Variants in KCNQ1 observed in about 807,000 individuals in gnomAD.
KCNQ1 encodes potassium voltage-gated channel subfamily Q member 1.
In KCNQ1, 49 loss-of-function variants were observed where a neutral mutation model predicts 72.4. The observed-to-expected ratio is 0.68, with a 90% confidence interval of 0.54 to 0.86. KCNQ1 has a LOEUF of 0.86. KCNQ1 is among the 40% of genes least tolerant of loss of function. KCNQ1 has a pLI of 0.00. For synonymous variants in KCNQ1, 450 were observed against 412.6 expected, an observed-to-expected ratio of 1.09 and a Z score of -1.10; for missense variants, 790 against 945.1, an observed-to-expected ratio of 0.84 and a Z score of 2.15.
At chr11:2,545,520 T>G (rs1233846828) in intron 2 of KCNQ1, among the ~76,000 whole-genome samples, 2 of 152,214 alleles carry the variant, frequency 1.3e-5, no homozygotes, top group Non-Finnish European at 2.9e-5. Flanking sequence ...TTCAGGTAAT[T>G]GATAATAGTT....
At position 2,695,698 on chromosome 11, in the gene KCNQ1, G is replaced by A; in HGVS notation, c.1514+33617G>A. ...TGTTGGCCAGCTCTTCAGAACGTCT[G>A]TGCCTGTCTCCGTCCCCACCTGCAG... On this transcript the variant is annotated intron_variant, in intron 11 of 15. Transcript: ENST00000155840. This position sits in a 1 kb window ranked among gnomAD's most constrained non-coding sequence, Gnocchi z 5.2. The A allele has an allele frequency of 2.5e-6, 1 of 398,656 alleles. No homozygotes were observed. Among genetic ancestry groups the A allele is most frequent in the Non-Finnish European group, 4.4e-6 (1 of 226,090 alleles). 24.7% of individuals were successfully genotyped at this position (398,656 alleles called of 1,614,324 possible).
intron 11 of KCNQ1, chr11:2,681,625 C>T (rs569602022): frequency 2.1e-5 from 8 of 384,768 alleles, no homozygotes; most frequent in Non-Finnish European, 3.2e-5. Flanking sequence ...CCCCACCCAA[C>T]CTCCCCCAAC....
chr11:2,742,049 A>G (rs776450228), intron 11 of KCNQ1, among the ~76,000 whole-genome samples: 1 of 152,318 alleles, frequency 6.6e-6, no homozygotes, highest in South Asian at 2.1e-4. Flanking sequence ...GTTGCAAGAC[A>G]CTCTGCTGGG....
At chr11:2,732,443 C>T (rs1371355814) in intron 11 of KCNQ1, among the ~76,000 whole-genome samples, 1 of 152,208 alleles carries the variant, frequency 6.6e-6, no homozygotes, top group Non-Finnish European at 1.5e-5. Flanking sequence ...CTCCTGGCTT[C>T]GTTTCTTCCC....
At chr11:2,753,609 A>G (rs151291) in intron 11 of KCNQ1, among the ~76,000 whole-genome samples, 39,262 of 152,124 alleles carry the variant, frequency 0.26, 5,662 homozygotes, top group Middle Eastern at 0.41. Context: ...CTTTTGGTAT[A>G]TTCAGAGTCA....
Position 2,617,780 on chromosome 11 carries a change from A to C in KCNQ1, c.1393+28926A>C, listed in dbSNP as rs1849092351. ...AATTTTGATTTGCATTTCCCTGACG[A>C]TTAGTGATGTTAAATGTCTTTTCAT... is the stretch of plus-strand genomic sequence containing the variant. On this transcript the variant is annotated intron_variant, in intron 10 of 15. Transcript: ENST00000155840. The surrounding 1 kb of genome is among the most constrained non-coding windows in gnomAD (Gnocchi z 4.6). 1 of 398,516 alleles carries C rather than the reference A, an allele frequency of 2.5e-6. No individual in the cohort carries two copies. The highest frequency in any genetic ancestry group is 4.4e-6 in the Non-Finnish European group (1 of 226,008). 24.7% of individuals were successfully genotyped at this position (398,516 alleles called of 1,614,324 possible).
rs757528730 is a variant in KCNQ1, at chr11:2,520,939, C to G, written c.387-6989C>G. Among the ~76,000 whole-genome samples, 4 of 152,250 alleles carry G rather than the reference C, an allele frequency of 2.6e-5. No individual in the cohort carries two copies. In the South Asian group the frequency reaches 8.3e-4, roughly 32 times the overall value. ...TCTGCTTATCAGCCTGGCGAGGTCC[C>G]GTCCCCAGTAGGGGTCTTTGAACAT... On this transcript the variant is annotated intron_variant, in intron 1 of 15. Transcript: ENST00000155840.
intron 11 of KCNQ1, among the ~76,000 whole-genome samples, chr11:2,739,353 G>A (rs1289541498): frequency 6.6e-6 from 1 of 152,182 alleles, no homozygotes; most frequent in Admixed American, 6.5e-5. Flanking sequence ...AGGTCACATG[G>A]TAACACATGT....
intron 11 of KCNQ1, chr11:2,699,797 C>G (rs1850760530): frequency 2.5e-6 from 1 of 396,728 alleles, no homozygotes; most frequent in Non-Finnish European, 4.4e-6. Flanking sequence ...CGCCGAGGGG[C>G]GCGCCGGGGA....
rs760628646 is a variant in KCNQ1 at position 2,828,724 on chromosome 11, G to T, written c.1795-19043G>T. ...AGTTGTGGGTGGGGCAGGAGCTCTC[G>T]TGATGAAAACAACAGGGATTCAGTA... is the stretch of plus-strand genomic sequence containing the variant. On this transcript the variant is annotated intron_variant, in intron 15 of 15. Coordinates refer to ENST00000155840, the MANE Select transcript of KCNQ1 (RefSeq NM_000218.3). The surrounding 1 kb of genome is among the most constrained non-coding windows in gnomAD (Gnocchi z 5.3). Among the ~76,000 whole-genome samples the T allele has an allele frequency of 6.6e-6, 1 of 152,178 alleles. No homozygotes were observed. Among genetic ancestry groups the T allele is most frequent in the Non-Finnish European group, 1.5e-5 (1 of 68,030 alleles).
At position 2,679,870 on chromosome 11, in the gene KCNQ1, A is replaced by C. The variant is rs1850359794; in HGVS notation, c.1514+17789A>C. 5.0e-6 allele frequency: 2 copies of C among 398,354 alleles called. No homozygotes were observed. The highest frequency in any genetic ancestry group is 8.8e-6 in the Non-Finnish European group (2 of 226,040). 24.7% of individuals were successfully genotyped at this position (398,354 alleles called of 1,614,324 possible). On this transcript the variant is annotated intron_variant, in intron 11 of 15. Coordinates refer to ENST00000155840, the MANE Select transcript of KCNQ1 (RefSeq NM_000218.3). This position sits in a 1 kb window ranked among gnomAD's most constrained non-coding sequence, Gnocchi z 4.8. ...ACATGCATTTTTTTCATATAAACTTAGAACTAGCACGCCTAATTTTTTTTT... is the reference window on the plus strand; with the variant it reads ...ACATGCATTTTTTTCATATAAACTTCGAACTAGCACGCCTAATTTTTTTTT...
chr11:2,632,726 A>G (rs1849381111), intron 10 of KCNQ1: 1 of 398,288 alleles, frequency 2.5e-6, no homozygotes, highest in Admixed American at 4.4e-5. Flanking sequence ...ATCCAAGTTC[A>G]TCCATGTTGC....
Position 2,762,169 on chromosome 11 carries a change from T to C in KCNQ1, c.1515-6675T>C, listed in dbSNP as rs1198089491. 6.6e-6 allele frequency among the ~76,000 whole-genome samples: 1 copy of C among 152,192 alleles called. No individual in the cohort carries two copies. Among genetic ancestry groups the C allele is most frequent in the East Asian group, 1.9e-4 (1 of 5,196 alleles). On this transcript the variant is annotated intron_variant, in intron 11 of 15. Transcript: ENST00000155840. This position sits in a 1 kb window ranked among gnomAD's most constrained non-coding sequence, Gnocchi z 4.3. ...GGCCAGGGTAATAGTTCCTCTCGTG[T>C]GTCAGGCCTGGGAGGGGGGCCTTCA...
At chr11:2,527,054 T>A (rs1847522915) in intron 1 of KCNQ1, among the ~76,000 whole-genome samples, 1 of 152,118 alleles carries the variant, frequency 6.6e-6, no homozygotes, top group Non-Finnish European at 1.5e-5. Context: ...GGAGGGTACG[T>A]TTGCAGTGGC....
At position 2,465,787 on chromosome 11, in the gene KCNQ1, A is replaced by C. The variant is rs1373775655; in HGVS notation, c.386+20303A>C. 1.3e-5 allele frequency among the ~76,000 whole-genome samples: 2 copies of C among 152,156 alleles called. 1 individual carries two copies. Among genetic ancestry groups the C allele is most frequent in the Non-Finnish European group, 2.9e-5 (2 of 68,016 alleles). ...GAGCCTGTGTTCCGGGCAGGCTGGGAACAATGAATGGTACAGATCCACGGC... is the reference window on the plus strand; with the variant it reads ...GAGCCTGTGTTCCGGGCAGGCTGGGCACAATGAATGGTACAGATCCACGGC... On this transcript the variant is annotated intron_variant, in intron 1 of 15. Transcript: ENST00000155840.
At chr11:2,630,624 A>C (rs1849337548) in intron 10 of KCNQ1, 1 of 398,330 alleles carries the variant, frequency 2.5e-6, no homozygotes, top group East Asian at 3.6e-5. Context: ...ATATACTACC[A>C]TTACACTATT....
rs959113507 is a variant in KCNQ1 at position 2,471,804 on chromosome 11, AGGTGTGTGTGCACGTGTATG to A, written c.386+26325_386+26344del. On this transcript the variant is annotated intron_variant, in intron 1 of 15. Transcript: ENST00000155840. The surrounding 1 kb of genome is among the most constrained non-coding windows in gnomAD (Gnocchi z 4.8). ...TGATTGGGTGTGTGCATGTGTATAT[AGGTGTGTGTGCACGTGTATG>A]GGTGCGTGTGCACCTATGTGTGTAT... 1.5e-5 allele frequency among the ~76,000 whole-genome samples: 2 copies of A among 137,510 alleles called. No individual in the cohort carries two copies. Among genetic ancestry groups the A allele is most frequent in the African/African-American group, 5.8e-5 (2 of 34,598 alleles). The allele number at this position is 137,510 out of a possible 152,430, so 90.2% of individuals were successfully genotyped here.
rs1358866029 is a variant in KCNQ1 at position 2,808,803 on chromosome 11, T to C, written c.1794+30766T>C. Among the ~76,000 whole-genome samples, 1 of 152,010 alleles carries C rather than the reference T, an allele frequency of 6.6e-6. No homozygotes were observed. Among genetic ancestry groups the C allele is most frequent in the Non-Finnish European group, 1.5e-5 (1 of 68,014 alleles). ...TGTATGTTGCATAGAAAAAGGATGG[T>C]TAGATACATGGGCAGATTAATGGAT... On this transcript the variant is annotated intron_variant, in intron 15 of 15. Transcript: ENST00000155840. This position sits in a 1 kb window ranked among gnomAD's most constrained non-coding sequence, Gnocchi z 6.0.
intron 1 of KCNQ1, among the ~76,000 whole-genome samples, chr11:2,445,693 G>A (rs1846027439): frequency 6.6e-6 from 1 of 151,974 alleles, no homozygotes; most frequent in African/African-American, 2.4e-5. Context: ...TCTTCTCGCA[G>A]GCCCGGCGTG....
Sources: gnomAD v4.1 joint callset for allele counts (sites outside exome capture counted in the v4.1 genomes callset) on GRCh38, gnomAD v4.1.1 for gene constraint, Gnocchi (gnomAD v3.1) non-coding constraint, MANE v1.5 for transcripts, NCBI Gene and HGNC (gene_info 2026-07-23, HGNC 2026-07-21) for gene names.